Variants in BOC observed in about 807,000 individuals in gnomAD.
BOC encodes the protein brother of CDO.
A neutral mutation model predicts 112.0 loss-of-function variants in BOC; 76 were observed. The ratio of observed to expected loss-of-function variants is 0.68; its 90% CI spans 0.56 to 0.82. The LOEUF (loss-of-function observed/expected upper bound fraction) is 0.82, where lower values mean the gene tolerates loss of function less well. Among genes scored for constraint, BOC ranks in the 40% least tolerant of loss-of-function variants. The pLI, the probability that BOC is intolerant of heterozygous loss-of-function variation, is 0.00. For missense variants in BOC, 1,309 were observed against 1,511.7 expected (o/e 0.87, Z 2.22); for synonymous variants, 580 against 599.8 (o/e 0.97, Z 0.48).
intron 2 of BOC, among the ~76,000 whole-genome samples, chr3:113,225,013 C>T (rs1279959036): frequency 6.6e-6 from 1 of 151,920 alleles, no homozygotes. Context: ...GGAGGCAGAG[C>T]TTGCAGTGAG....
intron 19 of BOC, 131 bp from the exon 20 acceptor site, chr3:113,286,544 T>G: frequency 1.2e-6 from 1 of 819,026 alleles, no homozygotes. Context: ...TTGTCTCGGT[T>G]GTAGGTTTCT....
At chr3:113,254,175 A>C (rs901579724) in intron 4 of BOC, among the ~76,000 whole-genome samples, 1 of 152,248 alleles carries the variant, frequency 6.6e-6, no homozygotes, top group African/African-American at 2.4e-5. Flanking sequence ...CCAAGAAGGC[A>C]CAGTAAGAGA....
intron 4 of BOC, among the ~76,000 whole-genome samples, chr3:113,257,894 G>A (rs1316831205): frequency 6.6e-6 from 1 of 152,196 alleles, no homozygotes; most frequent in Non-Finnish European, 1.5e-5. Context: ...TTGGAGGTTG[G>A]TGCCCTAAGA....
chr3:113,241,683 T>C (rs966963923), intron 2 of BOC, among the ~76,000 whole-genome samples: 1 of 152,196 alleles, frequency 6.6e-6, no homozygotes, highest in African/African-American at 2.4e-5. Flanking sequence ...ACAATGAATA[T>C]GGACTCTATT....
chr3:113,280,901 A>C (rs1949130441), intron 14 of BOC, 130 bp from the exon 15 acceptor site: 2 of 1,291,688 alleles, frequency 1.5e-6, no homozygotes, highest in Non-Finnish European at 1.1e-6. Context: ...GCGTTCCTCC[A>C]CACGCCGCCC....
Position 113,250,575 on chromosome 3 carries a change from G to A in BOC, c.118G>A (p.Val40Ile), listed in dbSNP as rs542911830. Residue 40 changes from valine (V) to isoleucine (I), a missense_variant, in exon 4 of 20, where the codon GTC becomes ATC. Val to Ile is a conservative substitution (Grantham distance 29, BLOSUM62 3). Coordinates refer to ENST00000682979, the MANE Select transcript of BOC (RefSeq NM_001378074.1). ...ADLNEVPQVT[V>I]QPASTVQKPG... is the part of the protein sequence containing the mutation. The stretch of plus-strand genomic sequence containing the variant: ...TCCAGACGAGGTCCCTCAGGTCACC[G>A]TCCAGCCTGCGTCCACCGTCCAGAA... The A allele has an allele frequency of 3.2e-5, 51 of 1,613,254 alleles. No homozygotes were observed. The highest frequency in any genetic ancestry group is 3.3e-4 in the Middle Eastern group (2 of 6,056).
At chr3:113,268,755 C>T (rs570312721) in intron 5 of BOC, among the ~76,000 whole-genome samples, 4 of 152,214 alleles carry the variant, frequency 2.6e-5, no homozygotes, top group African/African-American at 9.6e-5. Context: ...TACAGGCACA[C>T]GCCACCATGC....
intron 2 of BOC, among the ~76,000 whole-genome samples, chr3:113,239,179 T>C (rs1165713028): frequency 6.6e-6 from 1 of 152,204 alleles, no homozygotes; most frequent in Non-Finnish European, 1.5e-5. Flanking sequence ...ATATATCATG[T>C]TAAAAGACAT....
chr3:113,245,385 CCTTT>C (rs1944788340), intron 2 of BOC, among the ~76,000 whole-genome samples: 1 of 152,092 alleles, frequency 6.6e-6, no homozygotes, highest in African/African-American at 2.4e-5. Context: ...CCTCAGTAAA[CCTTT>C]CTTTCTTAAT....
intron 2 of BOC, among the ~76,000 whole-genome samples, chr3:113,241,815 C>T (rs1576385898): frequency 6.6e-6 from 1 of 152,188 alleles, no homozygotes; most frequent in South Asian, 2.1e-4. Context: ...GGCAGTTGAA[C>T]CCCCTCCCCA....
chr3:113,263,445 C>G (rs1417807080), intron 4 of BOC, among the ~76,000 whole-genome samples: 1 of 152,190 alleles, frequency 6.6e-6, no homozygotes, highest in Non-Finnish European at 1.5e-5. Flanking sequence ...AAGCATCCAG[C>G]GGATGGTGGC....
chr3:113,246,646 C>A (rs555217010), intron 2 of BOC, among the ~76,000 whole-genome samples: 3 of 152,088 alleles, frequency 2.0e-5, no homozygotes, highest in Admixed American at 2.0e-4. Flanking sequence ...TATTTATAAT[C>A]ATCATCCAGT....
At position 113,274,224 on chromosome 3, in the gene BOC, C is replaced by A; in HGVS notation, c.1235-151C>A. 1 of 658,802 alleles carries A rather than the reference C, an allele frequency of 1.5e-6. No homozygotes were observed. The highest frequency in any genetic ancestry group is 2.3e-6 in the Non-Finnish European group (1 of 435,040). The allele number at this position is 658,802 out of a possible 1,614,324, so 40.8% of individuals were successfully genotyped here. A position where few individuals can be genotyped will look rare whatever the true frequency, so the allele number is the denominator to read the frequency against. On this transcript the variant is annotated intron_variant, in intron 8 of 19. Coordinates refer to ENST00000682979, the MANE Select transcript of BOC (RefSeq NM_001378074.1). The surrounding 1 kb of genome is among the most constrained non-coding windows in gnomAD (Gnocchi z 4.8). ...GACACCAGCGCTGTCTTCCACGGAG[C>A]CTGGCTGGGCAGCACAGAGTGGGTG... is the stretch of plus-strand genomic sequence containing the variant.
At chr3:113,264,819 G>C (rs1400477867) in intron 4 of BOC, among the ~76,000 whole-genome samples, 8 of 152,222 alleles carry the variant, frequency 5.3e-5, no homozygotes, top group Non-Finnish European at 1.0e-4. Flanking sequence ...GAGGCACGGG[G>C]GGAGGGGGGA....
chr3:113,286,102 T>A (rs1485312890), intron 19 of BOC, among the ~76,000 whole-genome samples: 1 of 152,152 alleles, frequency 6.6e-6, no homozygotes, highest in African/African-American at 2.4e-5. Context: ...ATTGTCTTCC[T>A]CCATGCTAGT....
chr3:113,283,553 CG>C lies in BOC; in HGVS notation c.2581del (p.Val861SerfsTer77). The C allele has an allele frequency of 1.2e-6, 2 of 1,613,926 alleles. No individual in the cohort carries two copies. The highest frequency in any genetic ancestry group is 1.7e-6 in the Non-Finnish European group (2 of 1,179,994). Reference protein sequence around the residue: ...RSSDLPYLIVGVVLGSIVLII... With the variant: ...RSSDLPYLIVXVVLGSIVLII... ...CCAGCGACCTGCCCTATCTGATTGT[CG>C]GGGTCGTCCTGGGCTCCATCGTTCT... On this transcript the variant is annotated frameshift_variant, in exon 16 of 20. Transcript: ENST00000682979. LOFTEE classifies it high-confidence loss of function.
intron 5 of BOC, chr3:113,269,996 T>C: frequency 6.6e-6 from 1 of 152,466 alleles, no homozygotes; most frequent in Non-Finnish European, 1.5e-5. Flanking sequence ...GCTGTGACTC[T>C]GCCTCCTAGC....
At position 113,268,563 on chromosome 3, in the gene BOC, A is replaced by G. The variant is rs113558200; in HGVS notation, c.523+118A>G. The G allele has an allele frequency of 4.3e-5, 40 of 932,486 alleles. No individual in the cohort carries two copies. In the African/African-American group the frequency reaches 4.5e-4, roughly 10 times the overall value. 57.8% of individuals were successfully genotyped at this position (932,486 alleles called of 1,614,324 possible). On this transcript the variant is annotated intron_variant, in intron 5 of 19. Transcript: ENST00000682979. ...GCTGCTGTCTCCCAAACCCCCCTCAACATGCCAGCAGCCCTGTCCTCATGC... is the reference window on the plus strand; with the variant it reads ...GCTGCTGTCTCCCAAACCCCCCTCAGCATGCCAGCAGCCCTGTCCTCATGC...
At chr3:113,234,313 T>C (rs536965562) in intron 2 of BOC, among the ~76,000 whole-genome samples, 9 of 152,262 alleles carry the variant, frequency 5.9e-5, no homozygotes, top group Middle Eastern at 6.8e-3. Flanking sequence ...GAAGCTACAT[T>C]GGAGAACTGA....
Sources: gnomAD v4.1 joint callset for allele counts (sites outside exome capture counted in the v4.1 genomes callset) on GRCh38, gnomAD v4.1.1 for gene constraint, Gnocchi (gnomAD v3.1) non-coding constraint, MANE v1.5 for transcripts, NCBI Gene and HGNC (gene_info 2026-07-23, HGNC 2026-07-21) for gene names.